DPP6: variants seen among roughly 807,000 people sequenced by gnomAD.
DPP6 encodes dipeptidyl peptidase like 6, also known as A-type potassium channel modulatory protein DPP6.
In DPP6, 69 loss-of-function variants were observed where a neutral mutation model predicts 122.6. The observed-to-expected ratio is 0.56, with a 90% confidence interval of 0.46 to 0.69. The LOEUF (loss-of-function observed/expected upper bound fraction) is 0.69. Among genes scored for constraint, DPP6 ranks in the 30% least tolerant of loss-of-function variants. The pLI is 0.00. For missense variants in DPP6, 928 were observed against 1,116.9 expected, an observed-to-expected ratio of 0.83 and a Z score of 2.41; for synonymous variants, 418 against 433.1, an observed-to-expected ratio of 0.97 and a Z score of 0.43.
chr7:153,830,971 A>T, the DPP6 span, among the ~76,000 whole-genome samples: 2 of 152,200 alleles, frequency 1.3e-5, no homozygotes, highest in African/African-American at 4.8e-5. Flanking sequence ...TAAACTTAAC[A>T]TTCTTCCTAC....
chr7:154,271,502 C>G (rs1040094221), intron 1 of DPP6, among the ~76,000 whole-genome samples: 1 of 152,170 alleles, frequency 6.6e-6, no homozygotes, highest in African/African-American at 2.4e-5. Flanking sequence ...AGAGAAGTCC[C>G]AGCATGGACA....
At chr7:154,692,157 AT>A (rs1839967088) in intron 7 of DPP6, among the ~76,000 whole-genome samples, 2 of 152,348 alleles carry the variant, frequency 1.3e-5, no homozygotes, top group South Asian at 4.1e-4. Context: ...TGGAGGAGAA[AT>A]CTATTATTAT....
rs138442065 is a variant in DPP6, at chr7:154,447,836, A to G, written c.358+1508A>G. Among the ~76,000 whole-genome samples, 8 of 152,362 alleles carry G rather than the reference A, an allele frequency of 5.3e-5. No homozygotes were observed. In the East Asian group the frequency reaches 1.5e-3, roughly 29 times the overall value. On this transcript the variant is annotated intron_variant, in intron 2 of 25. Transcript: ENST00000377770. ...GGGCAAAAAGCACATGATCATCTGA[A>G]CAGACACAGAATAAGCATGTGACAA...
chr7:154,476,910 G>A (rs1318408357), intron 3 of DPP6, among the ~76,000 whole-genome samples: 2 of 152,080 alleles, frequency 1.3e-5, no homozygotes, highest in African/African-American at 4.8e-5. Context: ...TGGGAAACAT[G>A]TTGAAACGTC....
intron 1 of DPP6, among the ~76,000 whole-genome samples, chr7:154,276,886 G>A (rs972058404): frequency 6.6e-6 from 1 of 152,064 alleles, no homozygotes; most frequent in African/African-American, 2.4e-5. Flanking sequence ...CATGGCCAAC[G>A]GTACTATAAC....
intron 2 of DPP6, among the ~76,000 whole-genome samples, chr7:154,453,538 TAA>T (rs1271448550): frequency 6.7e-6 from 1 of 149,376 alleles, no homozygotes; most frequent in African/African-American, 2.4e-5. Context: ...ATATTTAACA[TAA>T]ATATTATATA....
At position 154,134,580 on chromosome 7, in the gene DPP6, A is replaced by G. The variant is rs192107890; in HGVS notation, c.243+81517A>G. 3.1e-3 allele frequency among the ~76,000 whole-genome samples: 467 copies of G among 152,232 alleles called. 2 individuals carry two copies. Among genetic ancestry groups the G allele is most frequent in the African/African-American group, 0.01 (427 of 41,540 alleles). ...CAAGGTCAAATCTGTGCAGATCCAA[A>G]TGGTGTGTGGATCTAATTTTCTTCC... On this transcript the variant is annotated intron_variant, in intron 1 of 25. Transcript: ENST00000377770.
chr7:153,951,320 G>T (rs1802200311), intron 1 of DPP6, among the ~76,000 whole-genome samples: 1 of 152,208 alleles, frequency 6.6e-6, no homozygotes, highest in Non-Finnish European at 1.5e-5. Context: ...AAGCAAGGGG[G>T]AGAGTGAGGG....
the DPP6 span, among the ~76,000 whole-genome samples, chr7:153,870,867 C>G: frequency 6.6e-6 from 1 of 152,218 alleles, no homozygotes. Context: ...TTCGTTCTAA[C>G]AGACAGGACC....
intron 1 of DPP6, among the ~76,000 whole-genome samples, chr7:153,933,704 C>G (rs113838711): frequency 6.6e-6 from 1 of 151,716 alleles, no homozygotes; most frequent in Non-Finnish European, 1.5e-5. Flanking sequence ...CTCTCTCTCT[C>G]TCACACACAC....
At chr7:154,643,091 C>T (rs1013447244) in intron 6 of DPP6, among the ~76,000 whole-genome samples, 2 of 152,086 alleles carry the variant, frequency 1.3e-5, no homozygotes, top group African/African-American at 4.8e-5. Flanking sequence ...TAATATAATC[C>T]TAAAATCATA....
intron 1 of DPP6, among the ~76,000 whole-genome samples, chr7:153,947,230 G>A (rs559349025): frequency 3.7e-4 from 56 of 152,084 alleles, no homozygotes; most frequent in Non-Finnish European, 7.3e-4. Context: ...CAGAGCTGCC[G>A]TAACCAGGGA....
chr7:154,077,016 T>C (rs190289161), intron 1 of DPP6, among the ~76,000 whole-genome samples: 225 of 152,318 alleles, frequency 1.5e-3, no homozygotes, highest in African/African-American at 5.1e-3. Flanking sequence ...CTTGTTCTGG[T>C]GCTATAATTG....
chr7:154,659,016 A>G (rs1563070347), intron 6 of DPP6, among the ~76,000 whole-genome samples: 1 of 152,242 alleles, frequency 6.6e-6, no homozygotes. Context: ...ATGAATGACC[A>G]CCAAGTGGCT....
At chr7:154,106,949 T>C (rs1195111290) in intron 1 of DPP6, among the ~76,000 whole-genome samples, 1 of 151,868 alleles carries the variant, frequency 6.6e-6, no homozygotes, top group African/African-American at 2.4e-5. Flanking sequence ...TTGGCGAGGA[T>C]ATGGAGAGAA....
intron 1 of DPP6, among the ~76,000 whole-genome samples, chr7:154,082,618 CCTTT>C (rs1287050513): frequency 1.3e-5 from 2 of 151,918 alleles, no homozygotes; most frequent in East Asian, 3.9e-4. Context: ...AGTTGCCATT[CCTTT>C]CTTAGGTAAC....
At chr7:153,907,298 G>A (rs559714703) in intron 1 of DPP6, among the ~76,000 whole-genome samples, 5 of 152,278 alleles carry the variant, frequency 3.3e-5, no homozygotes, top group African/African-American at 1.2e-4. Context: ...CAAGAGCTAA[G>A]CATTCTGATG....
rs537895135 is a variant in DPP6 at position 153,985,300 on chromosome 7, G to A, written c.51+97566G>A. 6.6e-5 allele frequency among the ~76,000 whole-genome samples: 10 copies of A among 152,336 alleles called. No individual in the cohort carries two copies. In the East Asian group the frequency reaches 1.9e-3, roughly 29 times the overall value. On this transcript the variant is annotated intron_variant, in intron 1 of 25. Transcript: ENST00000404039. ...GAGGAATCAAGAGGGACTGGACAAA[G>A]TTGTGTCTTTATCTTCTGGTCCCCA...
At chr7:154,431,476 C>G (rs1056149704) in intron 1 of DPP6, among the ~76,000 whole-genome samples, 1 of 18,840 alleles carries the variant, frequency 5.3e-5, no homozygotes, top group Non-Finnish European at 9.1e-5. Context: ...CTTTTCTTTT[C>G]TTTTCTTTTC....
Sources: gnomAD v4.1 joint callset for allele counts (sites outside exome capture counted in the v4.1 genomes callset) on GRCh38, gnomAD v4.1.1 for gene constraint, MANE v1.5 for transcripts, NCBI Gene and HGNC (gene_info 2026-07-23, HGNC 2026-07-21) for gene names.